Variants in ZNF385D observed in about 807,000 individuals in gnomAD.
ZNF385D encodes the protein zinc finger protein 385D, also known as zinc finger protein 659.
Under a neutral mutation model 35.8 loss-of-function variants are expected in ZNF385D, and 15 were observed. The ratio of observed to expected loss-of-function variants is 0.42; its 90% CI spans 0.28 to 0.64. The LOEUF is 0.64. ZNF385D is among the 30% of genes least tolerant of loss of function. The pLI, the probability that ZNF385D is intolerant of heterozygous loss-of-function variation, is 0.23. For missense variants in ZNF385D, 474 were observed against 494.6 expected, an observed-to-expected ratio of 0.96 and a Z score of 0.39; for synonymous variants, 212 against 186.8, an observed-to-expected ratio of 1.13 and a Z score of -1.10.
intron 3 of ZNF385D, among the ~76,000 whole-genome samples, chr3:22,016,766 T>G (rs1190189059): frequency 6.7e-6 from 1 of 149,886 alleles, no homozygotes; most frequent in Non-Finnish European, 1.5e-5. Flanking sequence ...GCACTGAAGT[T>G]TTGGGGGTTG....
At chr3:21,577,874 A>G (rs542649097) in intron 2 of ZNF385D, among the ~76,000 whole-genome samples, 8 of 150,970 alleles carry the variant, frequency 5.3e-5, no homozygotes, top group East Asian at 2.0e-4. Context: ...ATGTGTTGCA[A>G]TCTCAACTCA....
At chr3:21,723,474 G>C (rs774342106) in intron 1 of ZNF385D, among the ~76,000 whole-genome samples, 7 of 152,062 alleles carry the variant, frequency 4.6e-5, no homozygotes, top group Non-Finnish European at 8.8e-5. Context: ...TGAAGGAGCA[G>C]AAAAACACAG....
intron 3 of ZNF385D, among the ~76,000 whole-genome samples, chr3:21,547,856 C>T (rs951887280): frequency 2.6e-5 from 4 of 152,020 alleles, no homozygotes; most frequent in Non-Finnish European, 5.9e-5. Flanking sequence ...GGTGGTCCAC[C>T]CCCCTTGGCC....
intron 2 of ZNF385D, among the ~76,000 whole-genome samples, chr3:21,636,394 A>ATGATTATATATATATATATATGAT (rs1217958607): frequency 1.8e-4 from 7 of 38,898 alleles, no homozygotes; most frequent in African/African-American, 7.1e-4. Context: ...ATATATATAT[A>ATGATTATATATATATATATATGAT]TATATATATA....
At chr3:21,943,834 G>A (rs1701652059) in intron 3 of ZNF385D, among the ~76,000 whole-genome samples, 1 of 152,132 alleles carries the variant, frequency 6.6e-6, no homozygotes. Context: ...AAACACTGAT[G>A]CATTTTGTTG....
At chr3:21,694,042 C>CTTTTGTTTTTTTTTTTTTTTTTTTTTT (rs2067380300) in intron 1 of ZNF385D, among the ~76,000 whole-genome samples, 1 of 22,178 alleles carries the variant, frequency 4.5e-5, no homozygotes, top group Non-Finnish European at 8.5e-5. Flanking sequence ...CTACGCCTGG[C>CTTTTGTTTTTTTTTTTTTTTTTTTTTT]TTTTTTTTTT....
At position 21,751,183 on chromosome 3, in the gene ZNF385D, TC is replaced by T; in HGVS notation, c.-268del. On this transcript the variant is annotated 5_prime_UTR_variant, in exon 1 of 8. An upstream open reading frame in the 5' UTR gains an earlier in-frame stop. Coordinates refer to ENST00000281523, the MANE Select transcript of ZNF385D (RefSeq NM_024697.3). ...TGTAATCCGACTCCTCCTTGCGATGTCCTTGCCGCGCCTGTGACATCAGGAC... is the reference window on the plus strand; with the variant it reads ...TGTAATCCGACTCCTCCTTGCGATGTCTTGCCGCGCCTGTGACATCAGGAC... The T allele has an allele frequency of 7.2e-7, 1 of 1,383,152 alleles. No individual in the cohort carries two copies. Among genetic ancestry groups the T allele is most frequent in the South Asian group, 1.5e-5 (1 of 65,202 alleles). 85.7% of individuals were successfully genotyped at this position (1,383,152 alleles called of 1,614,324 possible). A position where few individuals can be genotyped will look rare whatever the true frequency, so the allele number is the denominator to read the frequency against.
upstream of ZNF385D, among the ~76,000 whole-genome samples, chr3:21,754,305 G>C (rs1428409562): frequency 2.6e-5 from 4 of 152,122 alleles, no homozygotes; most frequent in African/African-American, 9.7e-5. Flanking sequence ...GCAGCTTCTA[G>C]GGAAGAATCT....
chr3:22,091,168 A>G (rs1383356824), intron 3 of ZNF385D, among the ~76,000 whole-genome samples: 1 of 152,162 alleles, frequency 6.6e-6, no homozygotes, highest in East Asian at 1.9e-4. Flanking sequence ...AGGTGGCTCT[A>G]ACAACTAACT....
intron 4 of ZNF385D, among the ~76,000 whole-genome samples, chr3:21,481,185 T>A (rs1331493212): frequency 6.6e-6 from 1 of 152,158 alleles, no homozygotes; most frequent in Non-Finnish European, 1.5e-5. Flanking sequence ...TTTTAATATA[T>A]CTCACAGGGC....
At chr3:22,211,591 G>A (rs539816890) in intron 2 of ZNF385D, among the ~76,000 whole-genome samples, 1 of 152,142 alleles carries the variant, frequency 6.6e-6, no homozygotes, top group African/African-American at 2.4e-5. Flanking sequence ...TGTTCTTCCT[G>A]TATGTGTTGC....
chr3:22,098,402 G>A (rs1376154685), intron 3 of ZNF385D, among the ~76,000 whole-genome samples: 1 of 152,016 alleles, frequency 6.6e-6, no homozygotes, highest in African/African-American at 2.4e-5. Flanking sequence ...TCAATTTAGT[G>A]TTTAGGAAAA....
chr3:21,601,005 T>C (rs1471808493), intron 2 of ZNF385D, among the ~76,000 whole-genome samples: 1 of 152,136 alleles, frequency 6.6e-6, no homozygotes, highest in African/African-American at 2.4e-5. Context: ...TGGAAAGTTG[T>C]GGTAGAAGCC....
At chr3:21,886,017 A>T (rs1307068607) in intron 3 of ZNF385D, among the ~76,000 whole-genome samples, 1 of 152,064 alleles carries the variant, frequency 6.6e-6, no homozygotes, top group Non-Finnish European at 1.5e-5. Context: ...CCAAGAAAAA[A>T]CACCTTCTCA....
intron 2 of ZNF385D, among the ~76,000 whole-genome samples, chr3:21,604,926 G>A (rs2064431342): frequency 6.6e-6 from 1 of 152,172 alleles, no homozygotes; most frequent in Admixed American, 6.5e-5. Flanking sequence ...AAATATTTGT[G>A]GACAAAGAGG....
chr3:22,323,801 A>C (rs1287152528), intron 2 of ZNF385D, among the ~76,000 whole-genome samples: 1 of 152,210 alleles, frequency 6.6e-6, no homozygotes, highest in East Asian at 1.9e-4. Flanking sequence ...CTATGAAAGG[A>C]AATTAATACT....
chr3:21,798,212 A>T (rs536824282), intron 3 of ZNF385D, among the ~76,000 whole-genome samples: 1 of 152,186 alleles, frequency 6.6e-6, no homozygotes, highest in African/African-American at 2.4e-5. Context: ...TCACACAAAA[A>T]ATAAAAATAC....
rs1318492123 is a variant in ZNF385D, at chr3:21,920,952, A to G, written c.325+247865T>C. Among the ~76,000 whole-genome samples, 4 of 152,190 alleles carry G rather than the reference A, an allele frequency of 2.6e-5. No homozygotes were observed. In the East Asian group the frequency reaches 5.8e-4, roughly 22 times the overall value. ...AACACTGGGTAAGGCGCAGTGGCTC[A>G]TGCTTGTAATCCCAGCACTCTGGGA... On this transcript the variant is annotated intron_variant, in intron 3 of 5. Transcript: ENST00000494108.
chr3:21,746,804 C>T (rs934734784), intron 1 of ZNF385D, among the ~76,000 whole-genome samples: 2 of 152,194 alleles, frequency 1.3e-5, no homozygotes, highest in African/African-American at 4.8e-5. Context: ...TTTTTCTCTG[C>T]TGCCTGCTGC....
Sources: gnomAD v4.1 joint callset for allele counts (sites outside exome capture counted in the v4.1 genomes callset) on GRCh38, gnomAD v4.1.1 for gene constraint, MANE v1.5 for transcripts, NCBI Gene and HGNC (gene_info 2026-07-23, HGNC 2026-07-21) for gene names.